KCNMB2: variants seen among roughly 807,000 people sequenced by gnomAD.
The protein encoded by KCNMB2 is calcium-activated potassium channel subunit beta-2.
A neutral mutation model predicts 24.5 loss-of-function variants in KCNMB2; 9 were observed. The ratio of observed to expected loss-of-function variants is 0.37; its 90% CI spans 0.22 to 0.64. The LOEUF (loss-of-function observed/expected upper bound fraction) is 0.64. Ranked by LOEUF, KCNMB2 falls within the 30% of genes least tolerant of loss-of-function variation. The pLI, the probability that KCNMB2 is intolerant of heterozygous loss-of-function variation, is 0.63. For synonymous variants in KCNMB2, 109 were observed against 104.4 expected, an observed-to-expected ratio of 1.04 and a Z score of -0.27; for missense variants, 226 against 284.3, an observed-to-expected ratio of 0.79 and a Z score of 1.47.
intron 1 of KCNMB2, among the ~76,000 whole-genome samples, chr3:178,728,089 C>A (rs1378742463): frequency 6.6e-6 from 1 of 152,142 alleles, no homozygotes; most frequent in Non-Finnish European, 1.5e-5. Context: ...TCATTAATCA[C>A]CCAAAATTGT....
At chr3:178,692,041 T>C (rs1721700254) in intron 1 of KCNMB2, among the ~76,000 whole-genome samples, 1 of 152,212 alleles carries the variant, frequency 6.6e-6, no homozygotes, top group Non-Finnish European at 1.5e-5. Flanking sequence ...ATTGGCCACA[T>C]GTATGTCTTC....
intron 1 of KCNMB2, among the ~76,000 whole-genome samples, chr3:178,752,905 A>G (rs939780999): frequency 6.6e-6 from 1 of 152,218 alleles, no homozygotes; most frequent in Admixed American, 6.5e-5. Flanking sequence ...TGGGGAAGCA[A>G]AAAACTAACA....
At chr3:178,572,619 TC>T (rs531705467) in intron 1 of KCNMB2, among the ~76,000 whole-genome samples, 87 of 152,288 alleles carry the variant, frequency 5.7e-4, no homozygotes, top group African/African-American at 1.8e-3. Context: ...TTGATTTACT[TC>T]TCCCCACTTT....
rs181021365 is a variant in KCNMB2, at chr3:178,576,385, G to A, written c.-68+39674G>A. Among the ~76,000 whole-genome samples the A allele has an allele frequency of 9.3e-4, 142 of 152,244 alleles. 1 individual carries two copies. Among genetic ancestry groups the A allele is most frequent in the Non-Finnish European group, 1.4e-3 (94 of 68,010 alleles). On this transcript the variant is annotated intron_variant, in intron 1 of 4. Coordinates refer to ENST00000452583, the MANE Select transcript of KCNMB2 (RefSeq NM_181361.3). ...TCCCTTGGGTGCCTATACCACCAGG[G>A]ACCGGGGTTTCAAGCAGAAAGCTGG...
At chr3:178,763,637 T>C (rs1357893835) in intron 1 of KCNMB2, among the ~76,000 whole-genome samples, 2 of 152,182 alleles carry the variant, frequency 1.3e-5, no homozygotes, top group African/African-American at 4.8e-5. Context: ...ATACTAGTGA[T>C]GATACAATTT....
chr3:178,819,872 G>A (rs1714557931), intron 2 of KCNMB2, among the ~76,000 whole-genome samples: 1 of 152,002 alleles, frequency 6.6e-6, no homozygotes, highest in Admixed American at 6.6e-5. Flanking sequence ...TGTCATATTT[G>A]TTAGAAGGAT....
At chr3:178,577,091 T>C (rs1717022659) in intron 1 of KCNMB2, among the ~76,000 whole-genome samples, 1 of 152,058 alleles carries the variant, frequency 6.6e-6, no homozygotes, top group African/African-American at 2.4e-5. Flanking sequence ...AAATGAGGTG[T>C]CAACAGGCAC....
chr3:178,748,775 A>T (rs894149966), intron 1 of KCNMB2, among the ~76,000 whole-genome samples: 1 of 152,218 alleles, frequency 6.6e-6, no homozygotes, highest in Admixed American at 6.5e-5. Flanking sequence ...CAGATACCTT[A>T]GAACACAAAC....
At chr3:178,792,576 T>C (rs1713366677) in intron 1 of KCNMB2, among the ~76,000 whole-genome samples, 1 of 151,866 alleles carries the variant, frequency 6.6e-6, no homozygotes, top group South Asian at 2.1e-4. Flanking sequence ...ATATCAATAA[T>C]AACATTGGAT....
intron 1 of KCNMB2, among the ~76,000 whole-genome samples, chr3:178,685,084 A>C (rs1721417335): frequency 6.7e-6 from 1 of 148,172 alleles, no homozygotes; most frequent in African/African-American, 2.5e-5. Context: ...TCCTCTGGGG[A>C]CCATGCCTAC....
At chr3:178,582,647 T>C (rs575294618) in intron 1 of KCNMB2, among the ~76,000 whole-genome samples, 37 of 152,302 alleles carry the variant, frequency 2.4e-4, no homozygotes, top group Admixed American at 1.8e-3. Context: ...ACTTTTTTGA[T>C]TGACCTCTTC....
At chr3:178,722,060 G>C (rs1360659670) in intron 1 of KCNMB2, among the ~76,000 whole-genome samples, 2 of 151,930 alleles carry the variant, frequency 1.3e-5, no homozygotes, top group Non-Finnish European at 2.9e-5. Flanking sequence ...GTTTCATTTT[G>C]ATAAAGTACA....
intron 1 of KCNMB2, among the ~76,000 whole-genome samples, chr3:178,727,241 C>T (rs1359520216): frequency 6.6e-6 from 1 of 152,114 alleles, no homozygotes; most frequent in East Asian, 1.9e-4. Context: ...CCCATCTGGT[C>T]AAGATTCTCT....
intron 1 of KCNMB2, among the ~76,000 whole-genome samples, chr3:178,652,562 T>C (rs1720164568): frequency 6.6e-6 from 1 of 152,190 alleles, no homozygotes; most frequent in Non-Finnish European, 1.5e-5. Context: ...TAAATTTAAT[T>C]AATTTAATAA....
At chr3:178,789,067 A>G (rs536151125) in intron 1 of KCNMB2, among the ~76,000 whole-genome samples, 39 of 152,336 alleles carry the variant, frequency 2.6e-4, no homozygotes, top group African/African-American at 8.7e-4. Context: ...TCTGCAGTTT[A>G]CCATTGCTCA....
chr3:178,629,633 C>G (rs1719242891), intron 1 of KCNMB2, among the ~76,000 whole-genome samples: 1 of 152,072 alleles, frequency 6.6e-6, no homozygotes, highest in Admixed American at 6.6e-5. Flanking sequence ...TACAGAGTAC[C>G]TCTTATAGTA....
At chr3:178,602,950 C>G (rs931038) in intron 1 of KCNMB2, among the ~76,000 whole-genome samples, 119,716 of 151,848 alleles carry the variant, frequency 0.79, 47,645 homozygotes, top group African/African-American at 0.91. Flanking sequence ...AGAGATTGGA[C>G]GGGGTGGGAA....
At chr3:178,731,658 C>T (rs922188685) in intron 1 of KCNMB2, among the ~76,000 whole-genome samples, 3 of 152,144 alleles carry the variant, frequency 2.0e-5, no homozygotes, top group Non-Finnish European at 2.9e-5. Flanking sequence ...AATCCCAGCA[C>T]TTTGGGAGGC....
At chr3:178,614,005 T>C (rs559873383) in intron 1 of KCNMB2, among the ~76,000 whole-genome samples, 2 of 151,526 alleles carry the variant, frequency 1.3e-5, no homozygotes, top group South Asian at 4.2e-4. Flanking sequence ...TTTTTCTTTT[T>C]TCTCCTCTGA....
Sources: gnomAD v4.1 joint callset for allele counts (sites outside exome capture counted in the v4.1 genomes callset) on GRCh38, gnomAD v4.1.1 for gene constraint, MANE v1.5 for transcripts, NCBI Gene and HGNC (gene_info 2026-07-23, HGNC 2026-07-21) for gene names.